Variants in UTP20 observed in about 807,000 individuals in gnomAD.
UTP20 encodes the protein small subunit processome component 20 homolog.
UTP20 carries 164 observed loss-of-function variants against 329.5 expected under a neutral mutation model. The observed-to-expected ratio is 0.50, with a 90% CI of 0.44 to 0.57. The LOEUF (loss-of-function observed/expected upper bound fraction) is 0.57, where lower values mean the gene tolerates loss of function less well. Ranked by LOEUF, UTP20 falls within the 20% of genes least tolerant of loss-of-function variation. The pLI, the probability that UTP20 is intolerant of heterozygous loss-of-function variation, is 0.00. For missense variants in UTP20, 3,055 were observed against 3,284.2 expected, an observed-to-expected ratio of 0.93 and a Z score of 1.71; for synonymous variants, 1,151 against 1,159.3, an observed-to-expected ratio of 0.99 and a Z score of 0.14.
intron 38 of UTP20, among the ~76,000 whole-genome samples, chr12:101,350,665 C>T (rs1273642845): frequency 1.3e-5 from 2 of 152,174 alleles, no homozygotes; most frequent in Non-Finnish European, 1.5e-5. Flanking sequence ...TACTGAGACA[C>T]TACCATTCTA....
In UTP20 at chr12:101,295,478, AG is replaced by A; in HGVS notation, c.1252-1del. The A allele has an allele frequency of 1.3e-6, 2 of 1,558,616 alleles. No homozygotes were observed. Among genetic ancestry groups the A allele is most frequent in the Non-Finnish European group, 1.7e-6 (2 of 1,149,044 alleles). On this transcript the variant is annotated splice_acceptor_variant, in intron 11 of 61. Transcript: ENST00000261637. LOFTEE classifies it high-confidence loss of function. The stretch of plus-strand genomic sequence containing the variant: ...GTGTGATTTTTTTTTTCTTAACTTT[AG>A]CTTTTTCTACCAAGCTTTCTGTCAT...
At chr12:101,287,260 TTGAA>T (rs1360716441) in intron 5 of UTP20, among the ~76,000 whole-genome samples, 1 of 152,208 alleles carries the variant, frequency 6.6e-6, no homozygotes, top group Non-Finnish European at 1.5e-5. Flanking sequence ...TTTAGGAACT[TTGAA>T]TGAAGAAAGA....
chr12:101,366,420 G>T, intron 46 of UTP20, 138 bp from the exon 47 acceptor site: 1 of 1,013,060 alleles, frequency 9.9e-7, no homozygotes, highest in Non-Finnish European at 1.4e-6. Flanking sequence ...TGGTTTGGGG[G>T]TTTGGGGAGG....
Position 101,340,506 on chromosome 12 carries a change from GT to G in UTP20, c.4014-11del. The stretch of plus-strand genomic sequence containing the variant: ...CCTTGTATATGTTCCTTATATATCC[GT>G]TTTTTCCTTCTTTAGGATCAGCAAG... On this transcript the variant is annotated splice_polypyrimidine_tract_variant and intron_variant, in intron 31 of 61. Transcript: ENST00000261637. 6.5e-7 allele frequency: 1 copy of G among 1,538,238 alleles called. No homozygotes were observed. Among genetic ancestry groups the G allele is most frequent in the Non-Finnish European group, 8.9e-7 (1 of 1,121,674 alleles).
At chr12:101,369,309 A>G (rs1870201884) in intron 48 of UTP20, among the ~76,000 whole-genome samples, 1 of 152,174 alleles carries the variant, frequency 6.6e-6, no homozygotes, top group Non-Finnish European at 1.5e-5. Flanking sequence ...TAACCTCCAT[A>G]AACCCCTATA....
chr12:101,373,868 C>T, intron 54 of UTP20, 101 bp downstream of exon 54: 1 of 1,290,480 alleles, frequency 7.7e-7, no homozygotes, highest in South Asian at 1.4e-5. Context: ...TGGTTTTTTT[C>T]CCAAATAGTG....
chr12:101,342,497 G>A lies in UTP20; in HGVS notation c.4153G>A (p.Val1385Met). The A allele has an allele frequency of 6.2e-7, 1 of 1,613,304 alleles. No individual in the cohort carries two copies. The highest frequency in any genetic ancestry group is 1.1e-5 in the South Asian group (1 of 90,908). ...AGTACAAAACTTGTTAAAGCATTGT[G>A]TGGACCCTACAAGCTTCCTCAAGCC... Reference protein sequence around the residue: ...VTVQNLLKHCVDPTSFLKPIA... With the variant: ...VTVQNLLKHCMDPTSFLKPIA... Residue 1385 changes from valine to methionine, a missense_variant, in exon 33 of 62, where the codon GTG becomes ATG. Transcript: ENST00000261637.
At chr12:101,366,922 A>G (rs141264273) in intron 47 of UTP20, among the ~76,000 whole-genome samples, 1 of 151,944 alleles carries the variant, frequency 6.6e-6, no homozygotes, top group East Asian at 1.9e-4. Context: ...CTGCTCTAAT[A>G]TGTATTAAGG....
chr12:101,370,938 C>T, intron 50 of UTP20, 120 bp from the exon 51 acceptor site: 2 of 803,532 alleles, frequency 2.5e-6, no homozygotes, highest in South Asian at 1.8e-5. Flanking sequence ...TATCCTTTTT[C>T]TTTTGAAGAT....
Position 101,369,831 on chromosome 12 carries a change from CTA to C in UTP20, c.6497_6498del (p.Tyr2166CysfsTer35). ...AACACCTCTTCCTTCTGCTGAAGGACTATGCAAAGCTCGGGGCCGCCAGGGGC... is the reference window on the plus strand; with the variant it reads ...AACACCTCTTCCTTCTGCTGAAGGACTGCAAAGCTCGGGGCCGCCAGGGGC... Reference protein sequence around the residue: ...TKHLFLLLKDYAKLGAARGQN... With the variant: ...TKHLFLLLKDXAKLGAARGQN... On this transcript the variant is annotated frameshift_variant, in exon 49 of 62. Coordinates refer to ENST00000261637, the MANE Select transcript of UTP20 (RefSeq NM_014503.3). LOFTEE classifies it high-confidence loss of function. The C allele has an allele frequency of 6.2e-7, 1 of 1,614,066 alleles. No individual in the cohort carries two copies. Among genetic ancestry groups the C allele is most frequent in the Non-Finnish European group, 8.5e-7 (1 of 1,179,986 alleles).
chr12:101,345,528 GT>G (rs773337152), intron 36 of UTP20, 25 bp from the exon 37 acceptor site: 3 of 1,378,312 alleles, frequency 2.2e-6, no homozygotes, highest in Admixed American at 5.0e-5. Context: ...AAAATAAAAT[GT>G]TTTTTCTCCA....
chr12:101,285,650 C>T lies in UTP20; in HGVS notation c.193+14C>T, dbSNP rs78213936. On this transcript the variant is annotated intron_variant, in intron 3 of 61. Coordinates refer to ENST00000261637, the MANE Select transcript of UTP20 (RefSeq NM_014503.3). ...CAGAACACTTCGGTATTTTCTATTT[C>T]GTTTCTATTTTATTCACCCATAGTT... is the stretch of plus-strand genomic sequence containing the variant. 13,041 of 1,613,644 alleles carry T rather than the reference C, an allele frequency of 8.1e-3. 154 individuals carry two copies. The highest frequency in any genetic ancestry group is 0.054 in the African/African-American group (4,041 of 75,022).
chr12:101,290,909 A>T (rs761329858), intron 8 of UTP20, 21 bp downstream of exon 8: 27 of 1,601,196 alleles, frequency 1.7e-5, no homozygotes, highest in Non-Finnish European at 2.2e-5. Flanking sequence ...ATCTTTAAGG[A>T]TGGGTTTTTG....
At chr12:101,364,008 A>G (rs984263517) in intron 45 of UTP20, among the ~76,000 whole-genome samples, 2 of 152,226 alleles carry the variant, frequency 1.3e-5, no homozygotes, top group African/African-American at 2.4e-5. Context: ...AGCTAAGAAC[A>G]TGAAGAAATC....
intron 19 of UTP20, 45 bp downstream of exon 19, chr12:101,309,884 T>C (rs1872733199): frequency 2.6e-6 from 4 of 1,535,398 alleles, no homozygotes; most frequent in Admixed American, 1.7e-5. Flanking sequence ...CTTTAACTAC[T>C]GCAGAATGAT....
chr12:101,350,843 C>T (rs981658430), intron 38 of UTP20, among the ~76,000 whole-genome samples: 1 of 152,130 alleles, frequency 6.6e-6, no homozygotes, highest in African/African-American at 2.4e-5. Context: ...CAGTACTCAG[C>T]CGAAGACTCT....
At chr12:101,322,897 A>T (rs1219844241) in intron 25 of UTP20, among the ~76,000 whole-genome samples, 1 of 152,228 alleles carries the variant, frequency 6.6e-6, no homozygotes, top group Non-Finnish European at 1.5e-5. Context: ...ATCATCTTAT[A>T]TCCAAACACT....
At chr12:101,356,354 G>A (rs1034286900) in intron 41 of UTP20, among the ~76,000 whole-genome samples, 200 bp from the exon 42 acceptor site, 7 of 152,130 alleles carry the variant, frequency 4.6e-5, no homozygotes, top group African/African-American at 1.7e-4. Context: ...TCAAACTCCC[G>A]ATCTCAGGTG....
At chr12:101,355,409 T>G (rs1869686499) in intron 41 of UTP20, among the ~76,000 whole-genome samples, 1 of 152,212 alleles carries the variant, frequency 6.6e-6, no homozygotes, top group Non-Finnish European at 1.5e-5. Flanking sequence ...TATTAAAAAT[T>G]AGAATGTTTC....
Sources: gnomAD v4.1 joint callset for allele counts (sites outside exome capture counted in the v4.1 genomes callset) on GRCh38, gnomAD v4.1.1 for gene constraint, MANE v1.5 for transcripts, NCBI Gene and HGNC (gene_info 2026-07-23, HGNC 2026-07-21) for gene names.